ANKS1B: variants seen among roughly 807,000 people sequenced by gnomAD.
ANKS1B encodes the protein ankyrin repeat and sterile alpha motif domain-containing protein 1B.
A neutral mutation model predicts 148.3 loss-of-function variants in ANKS1B; 36 were observed. The ratio of observed to expected loss-of-function variants is 0.24; its 90% CI spans 0.19 to 0.32. The LOEUF is 0.32. Ranked by LOEUF, ANKS1B falls within the 10% of genes least tolerant of loss-of-function variation. The pLI, the probability that ANKS1B is intolerant of heterozygous loss-of-function variation, is 1.00. For synonymous variants in ANKS1B, 542 were observed against 560.8 expected (o/e 0.97, Z 0.47); for missense variants, 1,157 against 1,542.6 (o/e 0.75, Z 4.19).
intron 12 of ANKS1B, among the ~76,000 whole-genome samples, chr12:99,365,475 G>A (rs1471973566): frequency 1.3e-5 from 2 of 152,158 alleles, no homozygotes; most frequent in African/African-American, 4.8e-5. Flanking sequence ...AACTCAGAAG[G>A]GTGTGAGCCC....
At chr12:99,632,581 A>C (rs1354379648) in intron 9 of ANKS1B, among the ~76,000 whole-genome samples, 2 of 151,098 alleles carry the variant, frequency 1.3e-5, no homozygotes, top group African/African-American at 4.9e-5. Context: ...TGGGGACTTA[A>C]CCCCCACATC....
At chr12:99,543,922 C>G (rs1670461735) in intron 9 of ANKS1B, among the ~76,000 whole-genome samples, 2 of 152,076 alleles carry the variant, frequency 1.3e-5, no homozygotes, top group Non-Finnish European at 2.9e-5. Flanking sequence ...ATGAGGAATG[C>G]CTGTGGCAAA....
At chr12:99,740,377 A>C (rs2059984170) in intron 8 of ANKS1B, among the ~76,000 whole-genome samples, 1 of 152,170 alleles carries the variant, frequency 6.6e-6, no homozygotes, top group African/African-American at 2.4e-5. Flanking sequence ...CTACTGTTGT[A>C]ATAATAAATA....
intron 8 of ANKS1B, among the ~76,000 whole-genome samples, chr12:99,757,204 A>G (rs1006345232): frequency 1.3e-5 from 2 of 152,150 alleles, no homozygotes; most frequent in Non-Finnish European, 2.9e-5. Flanking sequence ...TATGCATCCA[A>G]CAAAGGTCTA....
chr12:98,916,402 G>A (rs2099794478), intron 17 of ANKS1B, among the ~76,000 whole-genome samples: 1 of 152,228 alleles, frequency 6.6e-6, no homozygotes, highest in Non-Finnish European at 1.5e-5. Context: ...TAAGGAGGTG[G>A]TGGAGGCGGC....
At chr12:99,840,195 G>A (rs1037941935) in intron 1 of ANKS1B, among the ~76,000 whole-genome samples, 4 of 152,114 alleles carry the variant, frequency 2.6e-5, no homozygotes, top group African/African-American at 4.8e-5. Context: ...CAGCATAGTC[G>A]AGGAAGCCTC....
intron 15 of ANKS1B, among the ~76,000 whole-genome samples, chr12:99,111,874 T>C (rs996149209): frequency 3.1e-4 from 47 of 152,180 alleles, no homozygotes; most frequent in African/African-American, 1.1e-3. Context: ...ATCATCACGC[T>C]TGAGGATAAT....
intron 19 of ANKS1B, among the ~76,000 whole-genome samples, chr12:98,826,713 C>T (rs1393586075): frequency 6.6e-6 from 1 of 152,160 alleles, no homozygotes; most frequent in Admixed American, 6.5e-5. Flanking sequence ...GTTAGGCAAG[C>T]ATTAACCAAG....
At chr12:99,863,373 T>C (rs1486624888) in intron 1 of ANKS1B, among the ~76,000 whole-genome samples, 1 of 152,172 alleles carries the variant, frequency 6.6e-6, no homozygotes, top group Non-Finnish European at 1.5e-5. Context: ...CCTTCAAGCA[T>C]TACATTTTAA....
At chr12:98,924,873 A>G (rs1051134799) in intron 17 of ANKS1B, among the ~76,000 whole-genome samples, 1 of 152,232 alleles carries the variant, frequency 6.6e-6, no homozygotes, top group Non-Finnish European at 1.5e-5. Flanking sequence ...TTATCAAATA[A>G]TAGTGCAGAC....
chr12:98,825,846 A>G (rs540778752), intron 19 of ANKS1B, among the ~76,000 whole-genome samples: 1 of 152,272 alleles, frequency 6.6e-6, no homozygotes, highest in East Asian at 1.9e-4. Flanking sequence ...TTACTATCTC[A>G]TTTCCACATA....
At chr12:98,933,100 T>G (rs533537835) in intron 17 of ANKS1B, among the ~76,000 whole-genome samples, 1 of 152,128 alleles carries the variant, frequency 6.6e-6, no homozygotes, top group Non-Finnish European at 1.5e-5. Context: ...TGACTGAAAC[T>G]TTATGGCTGT....
intron 1 of ANKS1B, among the ~76,000 whole-genome samples, chr12:99,921,157 C>T (rs906814759): frequency 3.3e-5 from 5 of 152,086 alleles, no homozygotes; most frequent in African/African-American, 4.8e-5. Flanking sequence ...CCCCATGTGT[C>T]GAGGAAGGAC....
chr12:99,328,345 T>C (rs768594732), intron 12 of ANKS1B, among the ~76,000 whole-genome samples: 3 of 151,884 alleles, frequency 2.0e-5, no homozygotes, highest in Non-Finnish European at 4.4e-5. Flanking sequence ...CGAAGATCCA[T>C]AGAGGAACTC....
At chr12:99,366,199 A>C (rs576468580) in intron 12 of ANKS1B, among the ~76,000 whole-genome samples, 14 of 152,364 alleles carry the variant, frequency 9.2e-5, no homozygotes, top group African/African-American at 2.9e-4. Context: ...GGGAGAAGTC[A>C]GGGGTATTTC....
At chr12:98,991,368 G>A (rs1005528097) in intron 17 of ANKS1B, among the ~76,000 whole-genome samples, 1 of 152,180 alleles carries the variant, frequency 6.6e-6, no homozygotes, top group Non-Finnish European at 1.5e-5. Context: ...TTTTATTTCA[G>A]ATATATAATG....
intron 12 of ANKS1B, among the ~76,000 whole-genome samples, chr12:99,327,223 TTTATAA>T (rs1313041371): frequency 8.6e-6 from 1 of 116,688 alleles, no homozygotes; most frequent in Non-Finnish European, 1.6e-5. Context: ...TATAATATAA[TTTATAA>T]TTATAATAAT....
At chr12:99,255,021 T>C (rs1566745571) in intron 12 of ANKS1B, among the ~76,000 whole-genome samples, 1 of 152,170 alleles carries the variant, frequency 6.6e-6, no homozygotes, top group African/African-American at 2.4e-5. Flanking sequence ...CTCACAGAAA[T>C]AGTTGGGGAA....
At chr12:99,464,240 T>C (rs571967942) in intron 10 of ANKS1B, among the ~76,000 whole-genome samples, 1 of 152,222 alleles carries the variant, frequency 6.6e-6, no homozygotes, top group Admixed American at 6.5e-5. Flanking sequence ...TCCTGTCTGT[T>C]AGAGGGAAAA....
Sources: allele counts gnomAD v4.1 joint callset (sites outside exome capture counted in the v4.1 genomes callset), GRCh38; gene constraint gnomAD v4.1.1; transcripts MANE v1.5; gene names NCBI Gene and HGNC (gene_info 2026-07-23, HGNC 2026-07-21).